The following ZNF385D variants were observed in gnomAD, a reference collection of about 807,000 sequenced individuals.
The protein encoded by ZNF385D is zinc finger protein 385D.
In ZNF385D, 15 loss-of-function variants were observed where a neutral mutation model predicts 35.8. The observed-to-expected ratio is 0.42, with a 90% confidence interval of 0.28 to 0.64. The LOEUF (loss-of-function observed/expected upper bound fraction) is 0.64. Among genes scored for constraint, ZNF385D ranks in the 30% least tolerant of loss-of-function variants. ZNF385D has a pLI of 0.23. For missense variants in ZNF385D, 474 were observed against 494.6 expected, an observed-to-expected ratio of 0.96 and a Z score of 0.39; for synonymous variants, 212 against 186.8, an observed-to-expected ratio of 1.13 and a Z score of -1.10.
chr3:21,528,029 T>G (rs556269461), intron 3 of ZNF385D, among the ~76,000 whole-genome samples: 1 of 152,314 alleles, frequency 6.6e-6, no homozygotes, highest in African/African-American at 2.4e-5. Flanking sequence ...ACACAGTGTT[T>G]AAATAACTTC....
intron 3 of ZNF385D, among the ~76,000 whole-genome samples, chr3:21,905,624 A>G (rs1438716969): frequency 1.3e-5 from 2 of 151,948 alleles, no homozygotes; most frequent in African/African-American, 4.8e-5. Flanking sequence ...CATAAGGCTT[A>G]AAGGTAGGTG....
intron 2 of ZNF385D, among the ~76,000 whole-genome samples, chr3:21,644,497 C>A (rs2065694909): frequency 6.6e-6 from 1 of 152,096 alleles, no homozygotes; most frequent in African/African-American, 2.4e-5. Flanking sequence ...TGGGAGGAAA[C>A]CAGAGTACCC....
intron 3 of ZNF385D, chr3:21,979,658 GACT>G (rs1177820282): frequency 1.3e-5 from 2 of 152,076 alleles, no homozygotes; most frequent in Non-Finnish European, 2.9e-5. Flanking sequence ...TAATAAAGAC[GACT>G]ACTTTTCAGA....
chr3:22,253,225 T>G (rs1481388053), intron 2 of ZNF385D, among the ~76,000 whole-genome samples: 57 of 152,004 alleles, frequency 3.7e-4, no homozygotes. Context: ...TAGAAAGGGC[T>G]GTTCAGAAGG....
At chr3:21,490,003 G>T (rs963713040) in intron 4 of ZNF385D, among the ~76,000 whole-genome samples, 2 of 152,016 alleles carry the variant, frequency 1.3e-5, no homozygotes, top group Non-Finnish European at 2.9e-5. Context: ...ACATGGCTCT[G>T]GTTTGAAGCA....
chr3:21,898,031 T>A (rs188241980), intron 3 of ZNF385D, among the ~76,000 whole-genome samples: 1 of 152,300 alleles, frequency 6.6e-6, no homozygotes, highest in Admixed American at 6.5e-5. Context: ...CATAGAAAGA[T>A]GACTAAATCA....
intron 3 of ZNF385D, among the ~76,000 whole-genome samples, chr3:22,028,745 C>T (rs1187262266): frequency 6.6e-6 from 1 of 152,196 alleles, no homozygotes; most frequent in East Asian, 1.9e-4. Flanking sequence ...AGAAGTGTGG[C>T]AGTGGGCTCA....
At chr3:22,081,216 T>C (rs1037250103) in intron 3 of ZNF385D, among the ~76,000 whole-genome samples, 8 of 152,274 alleles carry the variant, frequency 5.3e-5, no homozygotes, top group African/African-American at 1.7e-4. Context: ...TATTAAAATT[T>C]TGCCCCAAAT....
intron 4 of ZNF385D, chr3:21,443,050 A>G (rs1264111188): frequency 5.8e-5 from 50 of 867,438 alleles, no homozygotes; most frequent in Admixed American, 6.2e-5. Context: ...CCTGCTCTGA[A>G]TTCCTCACTC....
chr3:22,048,302 T>C (rs773248186), intron 3 of ZNF385D, among the ~76,000 whole-genome samples: 1 of 152,168 alleles, frequency 6.6e-6, no homozygotes, highest in Non-Finnish European at 1.5e-5. Flanking sequence ...TCCCTGTGCC[T>C]TTTGGGGCCA....
At chr3:21,637,890 G>A (rs942522639) in intron 2 of ZNF385D, among the ~76,000 whole-genome samples, 2 of 152,064 alleles carry the variant, frequency 1.3e-5, no homozygotes, top group South Asian at 2.1e-4. Flanking sequence ...TCAACAAATC[G>A]AAGACCTCTA....
At chr3:21,898,656 A>G (rs752474008) in intron 3 of ZNF385D, among the ~76,000 whole-genome samples, 15 of 152,176 alleles carry the variant, frequency 9.9e-5, no homozygotes, top group Non-Finnish European at 1.8e-4. Flanking sequence ...AACACAAGCC[A>G]ACTAAAGATT....
intron 2 of ZNF385D, among the ~76,000 whole-genome samples, chr3:22,207,872 C>A (rs11709805): frequency 0.15 from 22,943 of 151,832 alleles, 1,819 homozygotes; most frequent in Middle Eastern, 0.23. Context: ...ATCCCAGCTA[C>A]AATGAGATGT....
At chr3:21,696,986 C>G (rs1232953758) in intron 1 of ZNF385D, among the ~76,000 whole-genome samples, 1 of 152,018 alleles carries the variant, frequency 6.6e-6, no homozygotes, top group Non-Finnish European at 1.5e-5. Context: ...TTAAAAGTAA[C>G]AGTTTATATA....
chr3:22,068,480 T>C (rs1700072520), intron 3 of ZNF385D, among the ~76,000 whole-genome samples: 1 of 152,178 alleles, frequency 6.6e-6, no homozygotes, highest in Non-Finnish European at 1.5e-5. Flanking sequence ...ACCCCATTTC[T>C]CTTTCCCTCT....
intron 3 of ZNF385D, among the ~76,000 whole-genome samples, chr3:21,532,681 C>CAAA (rs58032064): frequency 1.6e-5 from 2 of 126,814 alleles, no homozygotes; most frequent in Non-Finnish European, 3.4e-5. Context: ...ATAATATTTC[C>CAAA]AAAAAAAAAA....
chr3:21,776,512 T>G (rs1421198141), intron 3 of ZNF385D, among the ~76,000 whole-genome samples: 1 of 151,976 alleles, frequency 6.6e-6, no homozygotes, highest in South Asian at 2.1e-4. Context: ...TTATTTGTAT[T>G]TATCATTCTT....
At chr3:21,505,849 A>C (rs1212087703) in intron 4 of ZNF385D, among the ~76,000 whole-genome samples, 13 of 152,188 alleles carry the variant, frequency 8.5e-5, no homozygotes, top group Admixed American at 3.3e-4. Context: ...GTATGCATGC[A>C]TACATCCCCC....
At chr3:21,779,343 T>A (rs2071406705) in intron 3 of ZNF385D, among the ~76,000 whole-genome samples, 1 of 149,298 alleles carries the variant, frequency 6.7e-6, no homozygotes. Flanking sequence ...CTGAAACATG[T>A]CTAAATAGCC....
Sources: allele counts gnomAD v4.1 joint callset (sites outside exome capture counted in the v4.1 genomes callset), GRCh38; gene constraint gnomAD v4.1.1; transcripts MANE v1.5; gene names NCBI Gene and HGNC (gene_info 2026-07-23, HGNC 2026-07-21).